Variants in NPY observed in about 807,000 individuals in gnomAD.
NPY encodes the protein pro-neuropeptide Y.
Under a neutral mutation model 13.2 loss-of-function variants are expected in NPY, and 11 were observed. That is an observed-to-expected ratio of 0.83 (90% confidence interval 0.52 to 1.38). NPY has a LOEUF of 1.38. Ranked by LOEUF, NPY falls within the 40% of genes most tolerant of loss-of-function variation. NPY has a pLI of 0.00. For missense variants in NPY, 109 were observed against 125.1 expected, an observed-to-expected ratio of 0.87 and a Z score of 0.61; for synonymous variants, 51 against 55.6, an observed-to-expected ratio of 0.92 and a Z score of 0.37.
chr7:24,289,463 T>C (rs1787516929), intron 2 of NPY, 36 bp from the exon 3 acceptor site: 2 of 1,512,736 alleles, frequency 1.3e-6, no homozygotes, highest in African/African-American at 1.4e-5. Flanking sequence ...TTTATGCCTA[T>C]TCCAAACTTG....
intron 2 of NPY, among the ~76,000 whole-genome samples, chr7:24,288,928 T>C (rs1416617931): frequency 6.6e-6 from 1 of 152,196 alleles, no homozygotes; most frequent in Non-Finnish European, 1.5e-5. Flanking sequence ...CATTTCACAC[T>C]GGATGTTCAC....
Position 24,289,451 on chromosome 7 carries a change from T to A in NPY, c.189-48T>A, listed in dbSNP as rs753534987. On this transcript the variant is annotated intron_variant, in intron 2 of 3. Coordinates refer to ENST00000242152, the MANE Select transcript of NPY (RefSeq NM_000905.4). ...AGACTATCTTCCTTTTTCCTAAAGG[T>A]TTTTATGCCTATTCCAAACTTGCTT... The A allele has an allele frequency of 5.9e-6, 8 of 1,362,652 alleles. No individual in the cohort carries two copies. The Admixed American group carries it at 1.3e-4, about 23-fold the overall frequency. The allele number at this position is 1,362,652 out of a possible 1,614,324, so 84.4% of individuals were successfully genotyped here. A position where few individuals can be genotyped will look rare whatever the true frequency, so the allele number is the denominator to read the frequency against.
chr7:24,284,987 T>C (rs1787300441), intron 1 of NPY: 1 of 563,438 alleles, frequency 1.8e-6, no homozygotes, highest in Admixed American at 3.2e-5. Flanking sequence ...GCGCGCTTCT[T>C]GGTCCCTGAG....
Position 24,289,504 on chromosome 7 carries a change from G to T in NPY, c.194G>T (p.Gly65Val). The T allele has an allele frequency of 6.3e-7, 1 of 1,588,694 alleles. No individual in the cohort carries two copies. The highest frequency in any genetic ancestry group is 2.3e-5 in the East Asian group (1 of 43,874). Residue 65 changes from glycine (G) to valine (V), a missense_variant, in exon 3 of 4, where the codon GGA becomes GTA. Gly to Val is a moderately radical substitution (Grantham distance 109). Transcript: ENST00000242152. ...YINLITRQRYGKRSSPETLIS... is the reference protein window; with the variant it reads ...YINLITRQRYVKRSSPETLIS... ...AAAGACTTTTTTTTTTCCAGATATGGAAAACGATCCAGCCCAGAGACACTG... is the reference window on the plus strand; with the variant it reads ...AAAGACTTTTTTTTTTCCAGATATGTAAAACGATCCAGCCCAGAGACACTG...
chr7:24,287,790 G>A (rs547225293), intron 2 of NPY, among the ~76,000 whole-genome samples: 1 of 152,302 alleles, frequency 6.6e-6, no homozygotes, highest in African/African-American at 2.4e-5. Context: ...GAGAAACTCA[G>A]CCTTAGATTA....
rs780799208 is a variant in NPY at position 24,285,245 on chromosome 7, T to C, written c.5T>C (p.Leu2Pro). The C allele has an allele frequency of 6.2e-7, 1 of 1,613,956 alleles. No individual in the cohort carries two copies. The highest frequency in any genetic ancestry group is 1.7e-5 in the Admixed American group (1 of 60,020). ...TTGAGCCTTCTGTGCCTGCAGATGC[T>C]AGGTAACAAGCGACTGGGGCTGTCC... M[L>P]GNKRLGLSGL... Residue 2 changes from leucine (L) to proline (P), a missense_variant, in exon 2 of 4, where the codon CTA becomes CCA. Physicochemically the swap from Leu to Pro is moderately conservative, Grantham distance 98 (BLOSUM62 -3). Transcript: ENST00000242152. This position sits in a 1 kb window ranked among gnomAD's most constrained non-coding sequence, Gnocchi z 4.9.
chr7:24,287,057 C>G (rs1041264294), intron 2 of NPY, among the ~76,000 whole-genome samples: 3 of 152,168 alleles, frequency 2.0e-5, no homozygotes, highest in Non-Finnish European at 4.4e-5. Flanking sequence ...AATCATGAAG[C>G]TAATGACATT....
rs5572 is a variant in NPY at position 24,285,324 on chromosome 7, G to C, written c.84G>C (p.Ala28=). 3 of 1,613,904 alleles carry C rather than the reference G, an allele frequency of 1.9e-6. No homozygotes were observed. Among genetic ancestry groups the C allele is most frequent in the Non-Finnish European group, 2.5e-6 (3 of 1,180,026 alleles). The change falls in exon 2 of 4, where the codon GCG becomes GCC. Residue 28 remains alanine (A), a synonymous_variant. Coordinates refer to ENST00000242152, the MANE Select transcript of NPY (RefSeq NM_000905.4). The surrounding 1 kb of genome is among the most constrained non-coding windows in gnomAD (Gnocchi z 4.9). ...LLVCLGALAE[A]YPSKPDNPGE... ...TGTGCCTGGGTGCGCTGGCCGAGGC[G>C]TACCCCTCCAAGCCGGACAACCCGG...
chr7:24,284,978 C>G (rs1251755652), intron 1 of NPY: 3 of 555,286 alleles, frequency 5.4e-6, no homozygotes, highest in Non-Finnish European at 9.7e-6. Context: ...ACTCTCGCCG[C>G]GCGCTTCTTG....
chr7:24,291,727 A>T lies in NPY; in HGVS notation c.*40A>T. On this transcript the variant is annotated 3_prime_UTR_variant, in exon 4 of 4. Transcript: ENST00000242152. ...TGCTCTCTGGCCTTTTCCTATTTTC[A>T]GCCCATATTTCATCGTGTAAAACGA... The T allele has an allele frequency of 6.2e-7, 1 of 1,613,298 alleles. No homozygotes were observed.
In NPY at chr7:24,285,280, C is replaced by G. The variant is rs535222320; in HGVS notation, c.40C>G (p.Leu14Val). The G allele has an allele frequency of 1.9e-6, 3 of 1,613,976 alleles. No homozygotes were observed. The highest frequency in any genetic ancestry group is 1.3e-5 in the African/African-American group (1 of 74,914). ...GCGACTGGGGCTGTCCGGACTGACC[C>G]TCGCCCTGTCCCTGCTCGTGTGCCT... ...NKRLGLSGLTLALSLLVCLGA... is the reference protein window; with the variant it reads ...NKRLGLSGLTVALSLLVCLGA... Residue 14 changes from leucine (L) to valine (V), a missense_variant, in exon 2 of 4, where the codon CTC (leucine) becomes GTC (valine). Coordinates refer to ENST00000242152, the MANE Select transcript of NPY (RefSeq NM_000905.4). This position sits in a 1 kb window ranked among gnomAD's most constrained non-coding sequence, Gnocchi z 4.9.
Position 24,285,290 on chromosome 7 carries a change from C to G in NPY, c.50C>G (p.Ser17Cys). The G allele has an allele frequency of 1.2e-6, 2 of 1,614,112 alleles. No individual in the cohort carries two copies. The highest frequency in any genetic ancestry group is 1.7e-6 in the Non-Finnish European group (2 of 1,180,008). The change falls in exon 2 of 4, where the codon TCC becomes TGC. Residue 17 changes from serine to cysteine, a missense_variant. Ser to Cys is a moderately radical substitution (Grantham distance 112). Transcript: ENST00000242152. The surrounding 1 kb of genome is among the most constrained non-coding windows in gnomAD (Gnocchi z 4.9). ...LGLSGLTLAL[S>C]LLVCLGALAE... ...CTGTCCGGACTGACCCTCGCCCTGT[C>G]CCTGCTCGTGTGCCTGGGTGCGCTG...
At chr7:24,286,740 CAAT>C (rs1045096399) in intron 2 of NPY, among the ~76,000 whole-genome samples, 11 of 152,214 alleles carry the variant, frequency 7.2e-5, no homozygotes, top group Middle Eastern at 3.4e-3. Context: ...TAGCAAAAAG[CAAT>C]AATATTTTAT....
intron 3 of NPY, 59 bp downstream of exon 3, chr7:24,289,638 A>C (rs1009923851): frequency 3.6e-6 from 5 of 1,402,496 alleles, no homozygotes; most frequent in Non-Finnish European, 5.0e-6. Flanking sequence ...CAGGGGAGGG[A>C]AGTCAGAGAC....
Position 24,287,271 on chromosome 7 carries a change from A to G in NPY, c.188+1843A>G, listed in dbSNP as rs559629601. Among the ~76,000 whole-genome samples, 55 of 152,314 alleles carry G rather than the reference A, an allele frequency of 3.6e-4. 1 individual carries two copies. In the South Asian group the frequency reaches 0.011, roughly 32 times the overall value. On this transcript the variant is annotated intron_variant, in intron 2 of 3. Transcript: ENST00000242152. The stretch of plus-strand genomic sequence containing the variant: ...TCTCTGAGGCAGAGTTTCCTGTCTC[A>G]TCTTTGTATAAACTCCTTCTTAGAA...
chr7:24,289,416 C>T, intron 2 of NPY, 83 bp from the exon 3 acceptor site: 5 of 897,646 alleles, frequency 5.6e-6, no homozygotes, highest in Non-Finnish European at 8.6e-6. Context: ...GTTTTCATAT[C>T]CCAAATAGGA....
intron 2 of NPY, among the ~76,000 whole-genome samples, chr7:24,289,197 T>C (rs1787504574): frequency 6.6e-6 from 1 of 152,226 alleles, no homozygotes; most frequent in Non-Finnish European, 1.5e-5. Flanking sequence ...TGTATCTCTA[T>C]ACATATTATT....
chr7:24,291,685 TG>T lies in NPY; in HGVS notation c.293del (p.Ter98TyrfsTer4). On this transcript the variant is annotated frameshift_variant and stop_lost, in exon 4 of 4. Coordinates refer to ENST00000242152, the MANE Select transcript of NPY (RefSeq NM_000905.4). LOFTEE classifies it high-confidence loss of function. ...RTRLEDPAMW* is the reference protein window; with the variant it reads ...RTRLEDPAMWX ...CAGGCTTGAAGACCCTGCAATGTGG[TG>T]ATGGGAAATGAGACTTGCTCTCTGG... 2 of 1,614,158 alleles carry T rather than the reference TG, an allele frequency of 1.2e-6. No individual in the cohort carries two copies. The highest frequency in any genetic ancestry group is 8.5e-7 in the Non-Finnish European group (1 of 1,179,992).
intron 2 of NPY, among the ~76,000 whole-genome samples, chr7:24,288,128 C>A (rs1300866107): frequency 6.6e-6 from 1 of 152,190 alleles, no homozygotes; most frequent in Non-Finnish European, 1.5e-5. Flanking sequence ...AGGTTCTTTA[C>A]TGGTAAATTG....
Sources: gnomAD v4.1 joint callset for allele counts (sites outside exome capture counted in the v4.1 genomes callset) on GRCh38, gnomAD v4.1.1 for gene constraint, Gnocchi (gnomAD v3.1) non-coding constraint, MANE v1.5 for transcripts, NCBI Gene and HGNC (gene_info 2026-07-23, HGNC 2026-07-21) for gene names.